SYT7: variants seen among roughly 807,000 people sequenced by gnomAD.
The protein encoded by SYT7 is synaptotagmin 7.
A neutral mutation model predicts 75.1 loss-of-function variants in SYT7; 29 were observed. The observed-to-expected ratio is 0.39, with a 90% CI of 0.29 to 0.53. The LOEUF is 0.53. SYT7 is among the 20% of genes least tolerant of loss of function. The pLI is 0.77. For synonymous variants in SYT7, 376 were observed against 401.7 expected (o/e 0.94, Z 0.76); for missense variants, 693 against 953.2 (o/e 0.73, Z 3.59).
At chr11:61,529,088 C>G (rs1168939733) in intron 8 of SYT7, among the ~76,000 whole-genome samples, 1 of 152,098 alleles carries the variant, frequency 6.6e-6, no homozygotes, top group Non-Finnish European at 1.5e-5. Context: ...CACCCCCCAG[C>G]CGCCTGAGCC....
intron 1 of SYT7, among the ~76,000 whole-genome samples, chr11:61,563,467 T>A (rs749030699): frequency 2.0e-5 from 3 of 152,170 alleles, no homozygotes; most frequent in Non-Finnish European, 2.9e-5. Context: ...ATGCACCATC[T>A]CCACAACCTC....
chr11:61,575,991 A>G (rs1028505102), intron 1 of SYT7, among the ~76,000 whole-genome samples: 1 of 152,138 alleles, frequency 6.6e-6, no homozygotes, highest in Non-Finnish European at 1.5e-5. Flanking sequence ...CTCCCGGTCC[A>G]TTCTATCCCA....
intron 5 of SYT7, among the ~76,000 whole-genome samples, 188 bp downstream of exon 5, chr11:61,545,843 T>C (rs1013822197): frequency 6.6e-6 from 1 of 152,188 alleles, no homozygotes; most frequent in African/African-American, 2.4e-5. Flanking sequence ...AATGCATCAC[T>C]GTATGGCTGA....
chr11:61,555,761 G>A (rs539215479), intron 2 of SYT7, among the ~76,000 whole-genome samples: 1 of 150,300 alleles, frequency 6.7e-6, no homozygotes, highest in African/African-American at 2.5e-5. Flanking sequence ...TGCTTTATGC[G>A]GGAGGCAGGG....
Position 61,514,003 on chromosome 11 carries a change from G to C in SYT7, c.*4624C>G, listed in dbSNP as rs971069188. Among the ~76,000 whole-genome samples, 1 of 151,920 alleles carries C rather than the reference G, an allele frequency of 6.6e-6. No homozygotes were observed. Among genetic ancestry groups the C allele is most frequent in the African/African-American group, 2.4e-5 (1 of 41,296 alleles). On this transcript the variant is annotated 3_prime_UTR_variant, in exon 13 of 13. Coordinates refer to ENST00000539008, the MANE Select transcript of SYT7 (RefSeq NM_001365809.2). ...GCCTTCCAGAAAGCAGCAGTATCCA[G>C]GGGGGGACTCACAGGAGAAAGAAAA...
intron 5 of SYT7, among the ~76,000 whole-genome samples, chr11:61,544,447 G>T (rs934853360): frequency 6.6e-6 from 1 of 152,224 alleles, no homozygotes; most frequent in Non-Finnish European, 1.5e-5. Context: ...CTTTAGCTGG[G>T]GTCTTGGAGG....
At chr11:61,583,453 G>T (rs1210634999), upstream of SYT7, among the ~76,000 whole-genome samples, 1 of 152,194 alleles carries the variant, frequency 6.6e-6, no homozygotes, top group Non-Finnish European at 1.5e-5. Flanking sequence ...GCCCCAGGCT[G>T]CCCCTTGCAA....
At chr11:61,579,747 A>G (rs2064192371) in intron 1 of SYT7, among the ~76,000 whole-genome samples, 1 of 152,144 alleles carries the variant, frequency 6.6e-6, no homozygotes, top group African/African-American at 2.4e-5. Context: ...GGCAGGAGGG[A>G]GCCTGGAGGC....
At chr11:61,528,309 C>T (rs542791991) in intron 8 of SYT7, 124 bp from the exon 9 acceptor site, 32 of 1,240,210 alleles carry the variant, frequency 2.6e-5, no homozygotes, top group African/African-American at 2.1e-4. Flanking sequence ...ATCCCACGGA[C>T]GCTGCTCAGG....
Position 61,514,705 on chromosome 11 carries a change from G to T in SYT7, c.*3922C>A, listed in dbSNP as rs1219915002. Among the ~76,000 whole-genome samples the T allele has an allele frequency of 6.6e-6, 1 of 152,188 alleles. No homozygotes were observed. Among genetic ancestry groups the T allele is most frequent in the Admixed American group, 6.5e-5 (1 of 15,280 alleles). Reference sequence around the variant, plus strand: ...CCAGGGCCACAGAGGCTGCAGAAGGGATTACAACCCAGCTTCCCACACCTC... The same window carrying T: ...CCAGGGCCACAGAGGCTGCAGAAGGTATTACAACCCAGCTTCCCACACCTC... On this transcript the variant is annotated 3_prime_UTR_variant, in exon 13 of 13. Transcript: ENST00000539008.
chr11:61,532,269 CCA>C (rs1409274012), intron 8 of SYT7, among the ~76,000 whole-genome samples: 1 of 152,212 alleles, frequency 6.6e-6, no homozygotes, highest in Non-Finnish European at 1.5e-5. Flanking sequence ...GAGCTAATCC[CCA>C]GTTTTCTCCC....
rs1362009005 is a variant in SYT7, at chr11:61,523,051, C to G, written c.1956+24G>C. The G allele has an allele frequency of 6.2e-7, 1 of 1,612,946 alleles. No individual in the cohort carries two copies. The stretch of plus-strand genomic sequence containing the variant: ...AGCCTCACTGGTGCCAGCAGGTGCA[C>G]CACACCACCTGCCTCGCCCCTACCT... On this transcript the variant is annotated intron_variant, in intron 12 of 12. Transcript: ENST00000539008. The surrounding 1 kb of genome is among the most constrained non-coding windows in gnomAD (Gnocchi z 5.0).
chr11:61,527,120 C>G (rs937751365), intron 9 of SYT7, among the ~76,000 whole-genome samples: 3 of 152,156 alleles, frequency 2.0e-5, no homozygotes, highest in African/African-American at 7.2e-5. Context: ...AGATAAAGAC[C>G]GGCCTTCAGA....
intron 7 of SYT7, among the ~76,000 whole-genome samples, chr11:61,536,138 T>C (rs3018736): frequency 0.29 from 43,274 of 151,162 alleles, 11,858 homozygotes; most frequent in African/African-American, 0.73. Flanking sequence ...CATGACGAGG[T>C]GGGAATGGCA....
chr11:61,563,489 A>G (rs1565203308), intron 1 of SYT7, among the ~76,000 whole-genome samples: 1 of 152,236 alleles, frequency 6.6e-6, no homozygotes, highest in Non-Finnish European at 1.5e-5. Flanking sequence ...GACCATTATT[A>G]TCTCCATTTC....
Position 61,580,787 on chromosome 11 carries a change from T to C in SYT7, c.31+3A>G. The stretch of plus-strand genomic sequence containing the variant: ...CGCCCCAGCCCGCCGGGGCCGCGCT[T>C]ACCTGGGCTGGCCGCCTCCGGGTCC... On this transcript the variant is annotated splice_donor_region_variant and intron_variant, in intron 1 of 12. Coordinates refer to ENST00000539008, the MANE Select transcript of SYT7 (RefSeq NM_001365809.2). This position sits in a 1 kb window ranked among gnomAD's most constrained non-coding sequence, Gnocchi z 6.1. 1 of 1,284,966 alleles carries C rather than the reference T, an allele frequency of 7.8e-7. No individual in the cohort carries two copies. Among genetic ancestry groups the C allele is most frequent in the Non-Finnish European group, 9.9e-7 (1 of 1,013,884 alleles). 79.6% of individuals were successfully genotyped at this position (1,284,966 alleles called of 1,614,324 possible).
rs2062104825 is a variant in SYT7, at chr11:61,514,144, G to T, written c.*4483C>A. On this transcript the variant is annotated 3_prime_UTR_variant, in exon 13 of 13. Transcript: ENST00000539008. ...GGAGGAAGGCAAAAAGTCCAGGGAA[G>T]GGCCCGAGCCAGTGGCAAGGGACTG... is the stretch of plus-strand genomic sequence containing the variant. Among the ~76,000 whole-genome samples the T allele has an allele frequency of 6.6e-6, 1 of 152,230 alleles. No homozygotes were observed. The highest frequency in any genetic ancestry group is 1.5e-5 in the Non-Finnish European group (1 of 68,042).
At chr11:61,587,404 G>T in the SYT7 span, among the ~76,000 whole-genome samples, 3 of 152,226 alleles carry the variant, frequency 2.0e-5, no homozygotes, top group African/African-American at 7.2e-5. Context: ...GCAGGCCCAC[G>T]ATGATAGCAA....
intron 8 of SYT7, among the ~76,000 whole-genome samples, chr11:61,529,989 C>T (rs2062653856): frequency 6.6e-6 from 1 of 152,224 alleles, no homozygotes; most frequent in Admixed American, 6.5e-5. Flanking sequence ...TCACCAGACC[C>T]TGCCCTGTGC....
Sources: allele counts gnomAD v4.1 joint callset (sites outside exome capture counted in the v4.1 genomes callset), GRCh38; gene constraint gnomAD v4.1.1; non-coding constraint Gnocchi (gnomAD v3.1); transcripts MANE v1.5; gene names NCBI Gene and HGNC (gene_info 2026-07-23, HGNC 2026-07-21).